The following CNTRL variants were observed in gnomAD, a reference collection of about 807,000 sequenced individuals.
The protein encoded by CNTRL is centriolin.
CNTRL carries 233 observed loss-of-function variants against 303.7 expected under a neutral mutation model. The ratio of observed to expected loss-of-function variants is 0.77; its 90% CI spans 0.69 to 0.86. The LOEUF is 0.86. Among genes scored for constraint, CNTRL ranks in the 40% least tolerant of loss-of-function variants. CNTRL has a pLI of 0.00. For missense variants in CNTRL, 2,524 were observed against 2,650.6 expected (o/e 0.95, Z 1.05); for synonymous variants, 900 against 922.2 (o/e 0.98, Z 0.44).
chr9:121,127,670 T>G (rs1220975191), intron 14 of CNTRL, among the ~76,000 whole-genome samples: 1 of 152,110 alleles, frequency 6.6e-6, no homozygotes, highest in African/African-American at 2.4e-5. Flanking sequence ...TTAATTATTA[T>G]TATACTTTAA....
At chr9:121,163,188 A>AT (rs202039938) in intron 34 of CNTRL, among the ~76,000 whole-genome samples, 1,404 of 135,538 alleles carry the variant, frequency 0.01, 26 homozygotes, top group African/African-American at 0.033. Context: ...AAAAAAAAAA[A>AT]AATAATAATA....
At chr9:121,103,227 C>G (rs1328762171) in intron 7 of CNTRL, among the ~76,000 whole-genome samples, 5 of 151,674 alleles carry the variant, frequency 3.3e-5, no homozygotes, top group Non-Finnish European at 7.4e-5. Context: ...CAGAACAGAG[C>G]CCTCAGAAAT....
chr9:121,081,405 C>T (rs548320794), intron 2 of CNTRL, among the ~76,000 whole-genome samples: 27 of 152,302 alleles, frequency 1.8e-4, no homozygotes, highest in African/African-American at 6.3e-4. Flanking sequence ...CAGTTCAATT[C>T]TGACACTGTC....
In CNTRL at chr9:121,161,947, G is replaced by A. The variant is rs1186179584; in HGVS notation, c.5181G>A (p.Glu1727=). 1 of 1,614,154 alleles carries A rather than the reference G, an allele frequency of 6.2e-7. No individual in the cohort carries two copies. The highest frequency in any genetic ancestry group is 8.5e-7 in the Non-Finnish European group (1 of 1,179,986). Residue 1727 remains glutamate (E), a synonymous_variant, in exon 33 of 44, where the codon GAG becomes GAA. Transcript: ENST00000373855. ...LQHDQRVSEL[E]KTQVAVLEEK... ...ATGACCAAAGGGTATCTGAATTAGA[G>A]AAGACTCAGGTGGCAGTGCTAGAGG...
chr9:121,177,247 T>G lies in CNTRL; in HGVS notation c.*61T>G, dbSNP rs887339629. The G allele has an allele frequency of 1.5e-6, 2 of 1,361,680 alleles. No homozygotes were observed. Among genetic ancestry groups the G allele is most frequent in the African/African-American group, 2.9e-5 (2 of 69,404 alleles). The allele number at this position is 1,361,680 out of a possible 1,614,324, so 84.3% of individuals were successfully genotyped here. On this transcript the variant is annotated 3_prime_UTR_variant, in exon 44 of 44. Transcript: ENST00000373855. ...CACCTCCACTACCTCACTGACTTCA[T>G]AATTGGAATGTCACATGGTTTTTTT...
chr9:121,110,151 C>T (rs748482994), intron 8 of CNTRL, among the ~76,000 whole-genome samples: 13 of 151,988 alleles, frequency 8.6e-5, no homozygotes, highest in Admixed American at 8.5e-4. Flanking sequence ...CCATTTAAAC[C>T]GTAGTAGTCC....
At chr9:121,127,041 A>G (rs138754655) in intron 14 of CNTRL, among the ~76,000 whole-genome samples, 2,464 of 152,160 alleles carry the variant, frequency 0.016, 63 homozygotes, top group African/African-American at 0.056. Flanking sequence ...GCTGGTCTCG[A>G]ACTCCCGACC....
chr9:121,165,590 T>G (rs1258008404), intron 35 of CNTRL, among the ~76,000 whole-genome samples: 1 of 152,208 alleles, frequency 6.6e-6, no homozygotes, highest in Non-Finnish European at 1.5e-5. Context: ...TGTTGAACAT[T>G]TTTTATATCC....
Position 121,123,953 on chromosome 9 carries a change from G to T in CNTRL, c.1673G>T (p.Ser558Ile), listed in dbSNP as rs1367077791. ...CAGTCCCATATGAAGGCTCAAAAGA[G>T]CGGTAAAGAACAACAGCTTGACATT... The part of the protein sequence containing the change: ...PKHSHMKAQK[S>I]GKEQQLDIMN... Residue 558 changes from serine (S) to isoleucine (I), a missense_variant, in exon 13 of 44, where the codon AGC (serine) becomes ATC (isoleucine). Transcript: ENST00000373855. The T allele has an allele frequency of 6.2e-7, 1 of 1,601,804 alleles. No individual in the cohort carries two copies. The highest frequency in any genetic ancestry group is 8.5e-7 in the Non-Finnish European group (1 of 1,175,512).
intron 32 of CNTRL, among the ~76,000 whole-genome samples, chr9:121,161,048 G>A (rs1564292975): frequency 6.6e-6 from 1 of 152,132 alleles, no homozygotes; most frequent in Non-Finnish European, 1.5e-5. Flanking sequence ...TTAATGACAT[G>A]CAAACATGAC....
intron 24 of CNTRL, 150 bp downstream of exon 24, chr9:121,149,011 G>A (rs1032854932): frequency 1.9e-5 from 13 of 672,358 alleles, no homozygotes; most frequent in South Asian, 1.4e-4. Flanking sequence ...ACCTCTTGTC[G>A]TTGTTTTAAA....
At chr9:121,093,424 G>T (rs915168179) in intron 4 of CNTRL, among the ~76,000 whole-genome samples, 4 of 152,126 alleles carry the variant, frequency 2.6e-5, no homozygotes, top group Admixed American at 2.0e-4. Flanking sequence ...TGGATTTTTT[G>T]ATTTGTGTTG....
intron 40 of CNTRL, among the ~76,000 whole-genome samples, chr9:121,172,730 T>C (rs529654426): frequency 6.6e-6 from 1 of 152,370 alleles, no homozygotes; most frequent in Non-Finnish European, 1.5e-5. Flanking sequence ...ATAATCCAGA[T>C]CACTTATGAC....
At chr9:121,075,577 C>T (rs1376033289) in intron 1 of CNTRL, among the ~76,000 whole-genome samples, 1 of 152,176 alleles carries the variant, frequency 6.6e-6, no homozygotes, top group African/African-American at 2.4e-5. Context: ...CGTTAAGGGA[C>T]TAGAGAATTT....
Position 121,144,015 on chromosome 9 carries a change from C to T in CNTRL, c.2984C>T (p.Thr995Ile), listed in dbSNP as rs1381495558. The change falls in exon 20 of 44, where the codon ACC becomes ATC. Residue 995 changes from threonine to isoleucine, a missense_variant. Coordinates refer to ENST00000373855, the MANE Select transcript of CNTRL (RefSeq NM_007018.6). ...TSDKLATAEL[T>I]IAKDQLKSLH... is the part of the protein sequence containing the mutation. ...GATAAGCTAGCCACAGCTGAGCTCA[C>T]CATTGCCAAAGACCAGCTGAAGTCC... The T allele has an allele frequency of 6.2e-7, 1 of 1,613,932 alleles. No homozygotes were observed. Among genetic ancestry groups the T allele is most frequent in the Admixed American group, 1.7e-5 (1 of 59,996 alleles).
intron 22 of CNTRL, among the ~76,000 whole-genome samples, chr9:121,145,904 G>GA (rs1267208220): frequency 6.6e-6 from 1 of 151,758 alleles, no homozygotes; most frequent in Non-Finnish European, 1.5e-5. Context: ...CTCAAAAAAA[G>GA]AAAAAAAGAG....
In CNTRL at chr9:121,152,474, A is replaced by G. The variant is rs1433796643; in HGVS notation, c.3964-11A>G. On this transcript the variant is annotated splice_polypyrimidine_tract_variant and intron_variant, in intron 25 of 43. Transcript: ENST00000373855. Reference sequence around the variant, plus strand: ...GTTTCAGCACTGCATTTTTTTCCCCATCTCATTCAGGAGAATGAAGTTTCT... The same window carrying G: ...GTTTCAGCACTGCATTTTTTTCCCCGTCTCATTCAGGAGAATGAAGTTTCT... 1 of 1,607,218 alleles carries G rather than the reference A, an allele frequency of 6.2e-7. No individual in the cohort carries two copies. Among genetic ancestry groups the G allele is most frequent in the Non-Finnish European group, 8.5e-7 (1 of 1,174,756 alleles).
chr9:121,154,642 T>C, intron 26 of CNTRL, 79 bp from the exon 27 acceptor site: 2 of 793,882 alleles, frequency 2.5e-6, no homozygotes, highest in Non-Finnish European at 4.0e-6. Context: ...TCATTGTAGA[T>C]CTTTTTAGTA....
intron 27 of CNTRL, among the ~76,000 whole-genome samples, chr9:121,157,091 G>A (rs2052612360): frequency 6.6e-6 from 1 of 152,134 alleles, no homozygotes; most frequent in Admixed American, 6.5e-5. Flanking sequence ...GTTGACACAT[G>A]TAGTTTTACA....
Sources: gnomAD v4.1 joint callset for allele counts (sites outside exome capture counted in the v4.1 genomes callset) on GRCh38, gnomAD v4.1.1 for gene constraint, MANE v1.5 for transcripts, NCBI Gene and HGNC (gene_info 2026-07-23, HGNC 2026-07-21) for gene names.